Variants in NCK2 observed in about 807,000 individuals in gnomAD.
The protein encoded by NCK2 is cytoplasmic protein NCK2.
A neutral mutation model predicts 33.9 loss-of-function variants in NCK2; 16 were observed. The observed-to-expected ratio is 0.47, with a 90% CI of 0.32 to 0.72. The LOEUF is 0.72. Ranked by LOEUF, NCK2 falls within the 30% of genes least tolerant of loss-of-function variation. NCK2 has a pLI of 0.03. For missense variants in NCK2, 418 were observed against 537.3 expected (o/e 0.78, Z 2.19); for synonymous variants, 273 against 239.9 (o/e 1.14, Z -1.27).
At chr2:105,781,011 G>A (rs758536959) in intron 1 of NCK2, among the ~76,000 whole-genome samples, 28 of 152,108 alleles carry the variant, frequency 1.8e-4, no homozygotes, top group Admixed American at 8.5e-4. Context: ...CTCATTGCCC[G>A]AATCTAGATT....
In NCK2 at chr2:105,823,044, G is replaced by A. The variant is rs144154777; in HGVS notation, c.-17+6431G>A. 1.2e-3 allele frequency among the ~76,000 whole-genome samples: 182 copies of A among 151,986 alleles called. 3 individuals carry two copies. The highest frequency in any genetic ancestry group is 4.2e-3 in the African/African-American group (174 of 41,310). On this transcript the variant is annotated intron_variant, in intron 2 of 4. Transcript: ENST00000233154. ...AGGCCACACAGAGCTTGAAATGAGCGCATTGCTGCAGTTGAGGTTCTCAAA... is the reference window on the plus strand; with the variant it reads ...AGGCCACACAGAGCTTGAAATGAGCACATTGCTGCAGTTGAGGTTCTCAAA...
chr2:105,849,908 T>G (rs1290585258), intron 2 of NCK2, among the ~76,000 whole-genome samples: 1 of 152,174 alleles, frequency 6.6e-6, no homozygotes, highest in Middle Eastern at 3.2e-3. Flanking sequence ...TGCTGGCACA[T>G]CCGGCCTCAG....
chr2:105,836,963 C>A (rs550340820), intron 2 of NCK2, among the ~76,000 whole-genome samples: 33 of 152,298 alleles, frequency 2.2e-4, no homozygotes, highest in Admixed American at 5.2e-4. Flanking sequence ...CCTATGATGG[C>A]TCTGGCTAAG....
chr2:105,760,186 A>C (rs959319917), intron 1 of NCK2, among the ~76,000 whole-genome samples: 1 of 152,176 alleles, frequency 6.6e-6, no homozygotes, highest in African/African-American at 2.4e-5. Flanking sequence ...CTATTCTCCC[A>C]AAAGGGACCA....
At chr2:105,778,707 T>C (rs1690390898) in intron 1 of NCK2, among the ~76,000 whole-genome samples, 1 of 152,112 alleles carries the variant, frequency 6.6e-6, no homozygotes, top group Non-Finnish European at 1.5e-5. Context: ...ATAATGGTTA[T>C]TTTTTTCTTC....
intron 2 of NCK2, among the ~76,000 whole-genome samples, chr2:105,818,341 C>T (rs13033515): frequency 0.84 from 120,353 of 143,428 alleles, 50,606 homozygotes; most frequent in East Asian, 0.88. Flanking sequence ...GACGAGTTAA[C>T]GGGTGCAGCA....
At chr2:105,777,276 TC>T (rs1413573931) in intron 1 of NCK2, among the ~76,000 whole-genome samples, 5 of 152,142 alleles carry the variant, frequency 3.3e-5, no homozygotes, top group African/African-American at 1.2e-4. Flanking sequence ...TTGCCCTTCC[TC>T]CTGCCTTTTA....
intron 1 of NCK2, among the ~76,000 whole-genome samples, chr2:105,754,678 CT>C (rs74265815): frequency 0.033 from 4,474 of 133,746 alleles, 59 homozygotes; most frequent in African/African-American, 0.033. Context: ...CCCCCAACAA[CT>C]TTTTTTTTTT....
rs540607583 is a variant in NCK2 at position 105,863,512 on chromosome 2, A to T, written c.226+8223A>T. On this transcript the variant is annotated intron_variant, in intron 3 of 4. Transcript: ENST00000233154. ...GTGTAATAGGGTGTGTTCCGATCAGAAGGGGGAGCCTGGTCAGATGTTATT... is the reference window on the plus strand; with the variant it reads ...GTGTAATAGGGTGTGTTCCGATCAGTAGGGGGAGCCTGGTCAGATGTTATT... 8.9e-4 allele frequency among the ~76,000 whole-genome samples: 136 copies of T among 152,306 alleles called. 1 individual carries two copies. The highest frequency in any genetic ancestry group is 3.0e-3 in the African/African-American group (124 of 41,564).
At chr2:105,780,677 TG>T (rs1179478513) in intron 1 of NCK2, among the ~76,000 whole-genome samples, 1 of 152,184 alleles carries the variant, frequency 6.6e-6, no homozygotes, top group Non-Finnish European at 1.5e-5. Flanking sequence ...TGATGGTATT[TG>T]GAGGTGGGGC....
At chr2:105,786,356 G>A (rs1170570080) in intron 1 of NCK2, among the ~76,000 whole-genome samples, 2 of 152,210 alleles carry the variant, frequency 1.3e-5, no homozygotes, top group Non-Finnish European at 2.9e-5. Context: ...GGAACGGCCA[G>A]TGGGCAGGCT....
chr2:105,874,203 C>T (rs1477424884), intron 3 of NCK2, among the ~76,000 whole-genome samples: 2 of 152,124 alleles, frequency 1.3e-5, no homozygotes, highest in African/African-American at 4.8e-5. Context: ...TTGTGCCCTT[C>T]GTACTCTGAA....
intron 1 of NCK2, among the ~76,000 whole-genome samples, chr2:105,780,985 A>G (rs1690475737): frequency 6.6e-6 from 1 of 152,196 alleles, no homozygotes. Flanking sequence ...GCCTTGACTA[A>G]GTGACCCTCT....
At chr2:105,851,793 G>T (rs1215481472) in intron 2 of NCK2, 1 of 152,324 alleles carries the variant, frequency 6.6e-6, no homozygotes, top group Non-Finnish European at 1.5e-5. Context: ...GGAGTGAAGT[G>T]GTCGTTTATT....
At chr2:105,814,932 C>T (rs73946593) in intron 1 of NCK2, among the ~76,000 whole-genome samples, 1,679 of 152,310 alleles carry the variant, frequency 0.011, 34 homozygotes, top group African/African-American at 0.038. Context: ...CACAACTTAA[C>T]GTTTATAATA....
At chr2:105,764,576 G>C (rs759129555) in intron 1 of NCK2, among the ~76,000 whole-genome samples, 3 of 152,200 alleles carry the variant, frequency 2.0e-5, no homozygotes, top group African/African-American at 2.4e-5. Flanking sequence ...GCAGTACCAG[G>C]TAAAAAGATC....
At chr2:105,750,037 AACACACAC>A (rs72315025) in intron 1 of NCK2, among the ~76,000 whole-genome samples, 20 of 144,554 alleles carry the variant, frequency 1.4e-4, no homozygotes, top group Admixed American at 4.8e-4. Flanking sequence ...AAAGCAAACA[AACACACAC>A]ACACACACAC....
At chr2:105,830,605 T>A (rs1231671524) in intron 2 of NCK2, among the ~76,000 whole-genome samples, 1 of 151,784 alleles carries the variant, frequency 6.6e-6, no homozygotes, top group Non-Finnish European at 1.5e-5. Context: ...GCAGTGGGAT[T>A]GCTAGATCAT....
At chr2:105,877,218 A>C (rs923779768) in intron 3 of NCK2, among the ~76,000 whole-genome samples, 3 of 151,956 alleles carry the variant, frequency 2.0e-5, no homozygotes, top group Non-Finnish European at 4.4e-5. Context: ...CACCTTGCCC[A>C]GGCACCCTTC....
Sources: allele counts gnomAD v4.1 joint callset (sites outside exome capture counted in the v4.1 genomes callset), GRCh38; gene constraint gnomAD v4.1.1; transcripts MANE v1.5; gene names NCBI Gene and HGNC (gene_info 2026-07-23, HGNC 2026-07-21).